The following MME variants were observed in gnomAD, a reference collection of about 807,000 sequenced individuals.
MME encodes the protein membrane metalloendopeptidase, also known as neprilysin.
In MME, 98 loss-of-function variants were observed where a neutral mutation model predicts 113.2. That is an observed-to-expected ratio of 0.87 (90% CI 0.74 to 1.02). The LOEUF (loss-of-function observed/expected upper bound fraction) is 1.02, where lower values mean the gene tolerates loss of function less well. Among genes scored for constraint, MME ranks in the 50% least tolerant of loss-of-function variants. MME has a pLI of 0.00. For synonymous variants in MME, 292 were observed against 300.6 expected (o/e 0.97, Z 0.30); for missense variants, 836 against 896.0 (o/e 0.93, Z 0.86).
rs146203687 is a variant in MME, at chr3:155,126,544, T to G, written c.720+7733T>G. Among the ~76,000 whole-genome samples, 319 of 151,566 alleles carry G rather than the reference T, an allele frequency of 2.1e-3. 1 individual carries two copies. Among genetic ancestry groups the G allele is most frequent in the Non-Finnish European group, 3.4e-3 (231 of 67,816 alleles). On this transcript the variant is annotated intron_variant, in intron 8 of 22. Transcript: ENST00000360490. Reference sequence around the variant, plus strand: ...AAGCATTTTTGTTTAACCTGTAGTGTTTTTTTTTAAATTTTGAATTAGTTG... The same window carrying G: ...AAGCATTTTTGTTTAACCTGTAGTGGTTTTTTTTAAATTTTGAATTAGTTG...
chr3:155,039,438 G>A (rs1380149605), intron 1 of MME, among the ~76,000 whole-genome samples: 1 of 152,122 alleles, frequency 6.6e-6, no homozygotes, highest in African/African-American at 2.4e-5. Context: ...ACCTGTTTGG[G>A]TTAAAAATTG....
rs560603821 is a variant in MME, at chr3:155,174,987, G to A, written c.2153+2375G>A. Among the ~76,000 whole-genome samples, 121 of 152,036 alleles carry A rather than the reference G, an allele frequency of 8.0e-4. No homozygotes were observed. The Middle Eastern group carries it at 0.014, about 17-fold the overall frequency. On this transcript the variant is annotated intron_variant, in intron 22 of 22. Transcript: ENST00000360490. Reference sequence around the variant, plus strand: ...TACCATCCTCAGAGAATGAGAGGTTGCAAATTAAGTTTTGATAGGTAAAGT... The same window carrying A: ...TACCATCCTCAGAGAATGAGAGGTTACAAATTAAGTTTTGATAGGTAAAGT...
intron 16 of MME, among the ~76,000 whole-genome samples, chr3:155,152,652 G>A (rs1319697884): frequency 3.3e-5 from 5 of 151,958 alleles, no homozygotes. Context: ...ACCAGCCTGG[G>A]CAACATGGTG....
intron 3 of MME, among the ~76,000 whole-genome samples, chr3:155,113,630 G>A (rs1718365135): frequency 6.6e-6 from 1 of 152,100 alleles, no homozygotes; most frequent in African/African-American, 2.4e-5. Context: ...GAGTCTTTCG[G>A]GAAGTTTGGT....
chr3:155,167,322 A>T (rs1019912789), intron 18 of MME, among the ~76,000 whole-genome samples: 1 of 152,144 alleles, frequency 6.6e-6, no homozygotes, highest in African/African-American at 2.4e-5. Flanking sequence ...CTGGTTGTAT[A>T]TGACGTATCT....
At chr3:155,082,592 T>C (rs1576694062) in intron 1 of MME, among the ~76,000 whole-genome samples, 2 of 152,330 alleles carry the variant, frequency 1.3e-5, no homozygotes, top group African/African-American at 4.8e-5. Flanking sequence ...AAGTAAGACA[T>C]TTTAACATTC....
At chr3:155,158,067 T>A (rs895139058) in intron 16 of MME, among the ~76,000 whole-genome samples, 6 of 152,128 alleles carry the variant, frequency 3.9e-5, no homozygotes, top group Non-Finnish European at 7.4e-5. Flanking sequence ...ATAAACTTCA[T>A]TCGTGTCCTA....
chr3:155,162,068 C>CT (rs1262198724), intron 17 of MME, among the ~76,000 whole-genome samples: 1 of 152,164 alleles, frequency 6.6e-6, no homozygotes, highest in African/African-American at 2.4e-5. Flanking sequence ...AGCAAGGCAA[C>CT]TTAGACTCCT....
chr3:155,043,319 C>T (rs1165236816), intron 1 of MME, among the ~76,000 whole-genome samples: 1 of 150,468 alleles, frequency 6.6e-6, no homozygotes, highest in African/African-American at 2.4e-5. Context: ...TACTTATGAA[C>T]CTCTTTTTCT....
chr3:155,074,256 G>C (rs1043170856), intron 1 of MME, among the ~76,000 whole-genome samples: 2 of 151,878 alleles, frequency 1.3e-5, no homozygotes, highest in South Asian at 2.1e-4. Context: ...TTAAATTTTA[G>C]CTTTTTCACT....
intron 3 of MME, among the ~76,000 whole-genome samples, chr3:155,086,685 C>A (rs1277864546): frequency 1.3e-5 from 2 of 152,144 alleles, no homozygotes; most frequent in Non-Finnish European, 2.9e-5. Flanking sequence ...GATATGAACA[C>A]AATATTTGTG....
chr3:155,085,974 C>A (rs560106033), intron 3 of MME, among the ~76,000 whole-genome samples: 4 of 152,126 alleles, frequency 2.6e-5, no homozygotes, highest in Admixed American at 2.6e-4. Context: ...TTATGGAGAA[C>A]CTTGAAATCC....
At chr3:155,061,817 C>A (rs1285513318) in intron 1 of MME, among the ~76,000 whole-genome samples, 1 of 151,860 alleles carries the variant, frequency 6.6e-6, no homozygotes, top group African/African-American at 2.4e-5. Flanking sequence ...ACCTGCCACA[C>A]TCTCAGTTAA....
chr3:155,066,628 A>G (rs1714387357), intron 1 of MME, among the ~76,000 whole-genome samples: 1 of 152,226 alleles, frequency 6.6e-6, no homozygotes. Context: ...TGTGTTTTCT[A>G]TCAATAAACT....
intron 16 of MME, among the ~76,000 whole-genome samples, chr3:155,155,112 A>G (rs1722221541): frequency 6.6e-6 from 1 of 152,158 alleles, no homozygotes. Flanking sequence ...TTCTATTGGC[A>G]AAAAGATTTC....
At chr3:155,033,934 A>G (rs1713053379) in intron 1 of MME, among the ~76,000 whole-genome samples, 1 of 152,180 alleles carries the variant, frequency 6.6e-6, no homozygotes, top group African/African-American at 2.4e-5. Context: ...TTACACCTAC[A>G]CTGGGAGACA....
chr3:155,167,155 A>G (rs1723163108), intron 18 of MME, 134 bp downstream of exon 18: 2 of 1,205,946 alleles, frequency 1.7e-6, no homozygotes, highest in East Asian at 5.1e-5. Context: ...CCACACTTTC[A>G]ATTTTCCCTT....
intron 3 of MME, among the ~76,000 whole-genome samples, chr3:155,104,605 A>C (rs1347013956): frequency 6.6e-6 from 1 of 152,232 alleles, no homozygotes; most frequent in African/African-American, 2.4e-5. Context: ...TCAGCTGGTT[A>C]TTCTTGACAG....
At chr3:155,139,259 T>C (rs566013699) in intron 9 of MME, among the ~76,000 whole-genome samples, 1 of 152,254 alleles carries the variant, frequency 6.6e-6, no homozygotes, top group South Asian at 2.1e-4. Context: ...ATCAGCTCTG[T>C]AGTGTTGTGT....
Sources: gnomAD v4.1 joint callset for allele counts (sites outside exome capture counted in the v4.1 genomes callset) on GRCh38, gnomAD v4.1.1 for gene constraint, MANE v1.5 for transcripts, NCBI Gene and HGNC (gene_info 2026-07-23, HGNC 2026-07-21) for gene names.